FBXO42: variants seen among roughly 807,000 people sequenced by gnomAD.
FBXO42 encodes F-box protein 42.
A neutral mutation model predicts 71.7 loss-of-function variants in FBXO42; 12 were observed. The observed-to-expected ratio is 0.17, with a 90% confidence interval of 0.11 to 0.27. The LOEUF (loss-of-function observed/expected upper bound fraction) is 0.27, where lower values mean the gene tolerates loss of function less well. Among genes scored for constraint, FBXO42 ranks in the 10% least tolerant of loss-of-function variants. The probability of loss-of-function intolerance (pLI) is 1.00; values close to 1 mark genes in which losing one functional copy is unlikely to be tolerated. For missense variants in FBXO42, 707 were observed against 911.9 expected, an observed-to-expected ratio of 0.78 and a Z score of 2.89; for synonymous variants, 325 against 327.5, an observed-to-expected ratio of 0.99 and a Z score of 0.08.
In FBXO42 at chr1:16,337,566, T is replaced by G. The variant is rs1557606887; in HGVS notation, c.-18+14689A>C. 3.9e-5 allele frequency among the ~76,000 whole-genome samples: 6 copies of G among 152,134 alleles called. No individual in the cohort carries two copies. In the South Asian group the frequency reaches 1.2e-3, roughly 32 times the overall value. ...AGATACTATAAATTGTCATTGAAAT[T>G]AACTTCAAACCATCCTCAAAAGAAT... On this transcript the variant is annotated intron_variant, in intron 1 of 9. Coordinates refer to ENST00000375592, the MANE Select transcript of FBXO42 (RefSeq NM_018994.3).
intron 1 of FBXO42, among the ~76,000 whole-genome samples, chr1:16,329,968 G>A (rs1335138090): frequency 2.0e-5 from 3 of 151,940 alleles, no homozygotes; most frequent in Non-Finnish European, 4.4e-5. Flanking sequence ...GAAACAAAAA[G>A]GGGGGAATCT....
intron 4 of FBXO42, among the ~76,000 whole-genome samples, chr1:16,263,195 G>GC (rs1458582131): frequency 1.3e-5 from 2 of 152,002 alleles, no homozygotes; most frequent in African/African-American, 4.8e-5. Context: ...AGGCGCGGTG[G>GC]CTCATCCCTG....
At chr1:16,284,103 G>A (rs1432876565) in intron 4 of FBXO42, among the ~76,000 whole-genome samples, 1 of 152,120 alleles carries the variant, frequency 6.6e-6, no homozygotes, top group African/African-American at 2.4e-5. Flanking sequence ...ATTGAACAAA[G>A]GCTAAGTCAT....
intron 1 of FBXO42, among the ~76,000 whole-genome samples, chr1:16,350,749 A>AGAAAGGAAAGAAAGAAAGAAAGAAAG (rs148379808): frequency 2.1e-5 from 1 of 48,118 alleles, no homozygotes. Context: ...ACTGCAAAAA[A>AGAAAGGAAAGAAAGAAAGAAAGAAAG]AAAAAAAAAA....
In FBXO42 at chr1:16,251,852, T is replaced by C. The variant is rs2081595679; in HGVS notation, c.1039-67A>G. Reference sequence around the variant, plus strand: ...TGATTGTTCATTCAACTGTCAAACATTTTATCATGAGCATCTGTCATGTGC... The same window carrying C: ...TGATTGTTCATTCAACTGTCAAACACTTTATCATGAGCATCTGTCATGTGC... On this transcript the variant is annotated intron_variant, in intron 9 of 9. Coordinates refer to ENST00000375592, the MANE Select transcript of FBXO42 (RefSeq NM_018994.3). This position sits in a 1 kb window ranked among gnomAD's most constrained non-coding sequence, Gnocchi z 4.5. 6.5e-7 allele frequency: 1 copy of C among 1,529,596 alleles called. No homozygotes were observed. Among genetic ancestry groups the C allele is most frequent in the African/African-American group, 1.4e-5 (1 of 72,468 alleles). The allele number at this position is 1,529,596 out of a possible 1,614,324, so 94.8% of individuals were successfully genotyped here. A position where few individuals can be genotyped will look rare whatever the true frequency, so the allele number is the denominator to read the frequency against.
intron 5 of FBXO42, among the ~76,000 whole-genome samples, chr1:16,256,191 G>A (rs1008529): frequency 0.73 from 111,681 of 152,072 alleles, 41,359 homozygotes; most frequent in East Asian, 0.86. Flanking sequence ...TACAAGAAAC[G>A]GCGGTTGCTG....
chr1:16,275,652 A>G (rs568656171), intron 4 of FBXO42, among the ~76,000 whole-genome samples: 15 of 152,306 alleles, frequency 9.8e-5, no homozygotes, highest in African/African-American at 3.6e-4. Context: ...AATAAAAATA[A>G]AAAGCCATAG....
chr1:16,340,354 T>C (rs908631937), intron 1 of FBXO42, among the ~76,000 whole-genome samples: 1 of 152,028 alleles, frequency 6.6e-6, no homozygotes, highest in African/African-American at 2.4e-5. Flanking sequence ...GTTTCACTCT[T>C]GTTGCCTAGG....
chr1:16,340,454 G>A (rs2082591610), intron 1 of FBXO42, among the ~76,000 whole-genome samples: 1 of 151,820 alleles, frequency 6.6e-6, no homozygotes, highest in Non-Finnish European at 1.5e-5. Context: ...CCGAGTAGCT[G>A]GAATTAAAGG....
Position 16,344,832 on chromosome 1 carries a change from C to T in FBXO42, c.-18+7423G>A, listed in dbSNP as rs112597257. On this transcript the variant is annotated intron_variant, in intron 1 of 9. Coordinates refer to ENST00000375592, the MANE Select transcript of FBXO42 (RefSeq NM_018994.3). Reference sequence around the variant, plus strand: ...ATATTTTCTGGGCCGGGCGTGGTGGCTCACACCTGTTATCCCAACACTTTG... The same window carrying T: ...ATATTTTCTGGGCCGGGCGTGGTGGTTCACACCTGTTATCCCAACACTTTG... Among the ~76,000 whole-genome samples the T allele has an allele frequency of 4.6e-3, 692 of 152,036 alleles. 7 individuals carry two copies. The highest frequency in any genetic ancestry group is 0.016 in the African/African-American group (667 of 41,474).
intron 2 of FBXO42, among the ~76,000 whole-genome samples, chr1:16,312,897 C>T (rs981996501): frequency 1.3e-5 from 2 of 151,410 alleles, no homozygotes; most frequent in African/African-American, 4.9e-5. Flanking sequence ...CAGGTTTGAA[C>T]GTTTCTCCTG....
At position 16,253,654 on chromosome 1, in the gene FBXO42, G is replaced by T. The variant is rs372879342; in HGVS notation, c.845C>A (p.Pro282His). 8.7e-6 allele frequency: 14 copies of T among 1,614,074 alleles called. No homozygotes were observed. Among genetic ancestry groups the T allele is most frequent in the Admixed American group, 3.3e-5 (2 of 60,014 alleles). The change falls in exon 7 of 10, where the codon CCT (proline) becomes CAT (histidine). Residue 282 changes from proline (P) to histidine (H), a missense_variant. Pro to His is a moderately conservative substitution (Grantham distance 77). Coordinates refer to ENST00000375592, the MANE Select transcript of FBXO42 (RefSeq NM_018994.3). ...KPNISGPSPH[P>H]RGGQSQIVID... ...GAGCACCTGAGATTGGCCACCTCGAGGATGAGGACTGGGGCCAGAGATGTT... is the reference window on the plus strand; with the variant it reads ...GAGCACCTGAGATTGGCCACCTCGATGATGAGGACTGGGGCCAGAGATGTT...
rs563899964 is a variant in FBXO42, at chr1:16,352,459, A to C, written c.-222T>G. The stretch of plus-strand genomic sequence containing the variant: ...GCCGCCGCCGCAGCTGCTGCTGCTC[A>C]GGCCGGGAGAAGACAGCGCAGAGCG... On this transcript the variant is annotated 5_prime_UTR_variant, in exon 1 of 10. Coordinates refer to ENST00000375592, the MANE Select transcript of FBXO42 (RefSeq NM_018994.3). 2.0e-5 allele frequency: 8 copies of C among 397,678 alleles called. 1 individual carries two copies. The South Asian group carries it at 1.0e-3, about 51-fold the overall frequency. 24.6% of individuals were successfully genotyped at this position (397,678 alleles called of 1,614,324 possible).
chr1:16,281,343 G>C (rs1279997244), intron 4 of FBXO42, among the ~76,000 whole-genome samples: 1 of 152,178 alleles, frequency 6.6e-6, no homozygotes, highest in African/African-American at 2.4e-5. Context: ...TATGCATAAA[G>C]AATCTGGGCG....
At chr1:16,320,907 G>A (rs906076049) in intron 1 of FBXO42, among the ~76,000 whole-genome samples, 1 of 152,020 alleles carries the variant, frequency 6.6e-6, no homozygotes, top group African/African-American at 2.4e-5. Context: ...TTGGCTGCAT[G>A]GTTGACATTT....
chr1:16,283,494 G>GTTTTTTTTTTT lies in FBXO42; in HGVS notation c.502+11278_502+11288dup, dbSNP rs386366300. The stretch of plus-strand genomic sequence containing the variant: ...TTATAGACTCTTCTAACTGTGGCAA[G>GTTTTTTTTTTT]TTTTTTTTTTTTTTTTTTTTTTTGA... On this transcript the variant is annotated intron_variant, in intron 4 of 9. Transcript: ENST00000375592. 3.3e-4 allele frequency among the ~76,000 whole-genome samples: 27 copies of GTTTTTTTTTTT among 80,980 alleles called. 2 individuals are homozygous for GTTTTTTTTTTT. The highest frequency in any genetic ancestry group is 6.0e-4 in the East Asian group (1 of 1,680). The allele number at this position is 80,980 out of a possible 152,430, so 53.1% of individuals were successfully genotyped here.
intron 4 of FBXO42, among the ~76,000 whole-genome samples, chr1:16,288,422 C>T (rs2082043540): frequency 6.7e-6 from 1 of 150,334 alleles, no homozygotes; most frequent in South Asian, 2.1e-4. Flanking sequence ...GAGCGAGACT[C>T]CATCTCAAAA....
At chr1:16,343,433 C>A (rs1345826882) in intron 1 of FBXO42, among the ~76,000 whole-genome samples, 1 of 152,098 alleles carries the variant, frequency 6.6e-6, no homozygotes, top group Admixed American at 6.6e-5. Context: ...GTAGTCCCAG[C>A]TACTCAGGAG....
intron 4 of FBXO42, among the ~76,000 whole-genome samples, chr1:16,278,848 G>T (rs1388853922): frequency 6.6e-6 from 1 of 151,764 alleles, no homozygotes. Context: ...GCGCAATCTT[G>T]GCTCACCACA....
Sources: allele counts gnomAD v4.1 joint callset (sites outside exome capture counted in the v4.1 genomes callset), GRCh38; gene constraint gnomAD v4.1.1; non-coding constraint Gnocchi (gnomAD v3.1); transcripts MANE v1.5; gene names NCBI Gene and HGNC (gene_info 2026-07-23, HGNC 2026-07-21).